Variants in PCF11 observed in about 807,000 individuals in gnomAD.
PCF11 encodes PCF11 cleavage and polyadenylation factor subunit, also known as pre-mRNA cleavage complex 2 protein Pcf11.
Under a neutral mutation model 166.1 loss-of-function variants are expected in PCF11, and 19 were observed. The observed-to-expected ratio is 0.11, with a 90% CI of 0.08 to 0.17. PCF11 has a LOEUF of 0.17. Among genes scored for constraint, PCF11 ranks in the 10% least tolerant of loss-of-function variants. The pLI is 1.00. For missense variants in PCF11, 1,565 were observed against 1,855.5 expected, an observed-to-expected ratio of 0.84 and a Z score of 2.88; for synonymous variants, 663 against 644.1, an observed-to-expected ratio of 1.03 and a Z score of -0.44.
chr11:83,182,606 TAAAA>T (rs1052030376), intron 14 of PCF11, 115 bp downstream of exon 14: 5 of 626,674 alleles, frequency 8.0e-6, no homozygotes, highest in South Asian at 6.1e-5. Flanking sequence ...TTGGTCTTAA[TAAAA>T]AGGGTATTGG....
chr11:83,182,264 G>C (rs1181564895), intron 13 of PCF11, 135 bp from the exon 14 acceptor site: 4 of 619,164 alleles, frequency 6.5e-6, no homozygotes, highest in African/African-American at 1.9e-5. Context: ...GAATCATACT[G>C]TATATTGGAC....
At chr11:83,172,419 T>TTTTA (rs565457933) in intron 9 of PCF11, among the ~76,000 whole-genome samples, 261 of 152,150 alleles carry the variant, frequency 1.7e-3, no homozygotes, top group Admixed American at 4.2e-3. Flanking sequence ...TGGATTTTAG[T>TTTTA]TTTATTTATT....
intron 8 of PCF11, among the ~76,000 whole-genome samples, chr11:83,170,337 C>A (rs995085289): frequency 6.6e-6 from 1 of 152,038 alleles, no homozygotes; most frequent in Non-Finnish European, 1.5e-5. Flanking sequence ...ACTGTTGAGC[C>A]CTGACGTGCT....
intron 2 of PCF11, among the ~76,000 whole-genome samples, chr11:83,162,257 A>G (rs560173663): frequency 6.6e-6 from 1 of 152,350 alleles, no homozygotes; most frequent in South Asian, 2.1e-4. Flanking sequence ...ATTTGGTGGT[A>G]GTTATTATAT....
chr11:83,169,578 G>A lies in PCF11; in HGVS notation c.3243G>A (p.Gln1081=), dbSNP rs759388971. The A allele has an allele frequency of 5.6e-6, 9 of 1,613,934 alleles. No individual in the cohort carries two copies. In the South Asian group the frequency reaches 8.8e-5, roughly 16 times the overall value. ...AGAGGTTTGATGGACCACCTGGACAGCAGGTTCAACCCAGATTTGACGGTG... is the reference window on the plus strand; with the variant it reads ...AGAGGTTTGATGGACCACCTGGACAACAGGTTCAACCCAGATTTGACGGTG... Residue 1081 remains glutamine, a synonymous_variant, in exon 8 of 16, where the codon CAG becomes CAA. Coordinates refer to ENST00000298281, the Ensembl canonical transcript of PCF11.
chr11:83,170,127 T>C, intron 8 of PCF11, 132 bp downstream of exon 8: 3 of 710,650 alleles, frequency 4.2e-6, no homozygotes, highest in Non-Finnish European at 6.4e-6. Flanking sequence ...TAAAGCCACA[T>C]GCTAAGGAAG....
chr11:83,181,201 C>T lies in PCF11; in HGVS notation c.4167+10C>T. ...GTACTACAGTTTAACAGTAAGTAAC[C>T]CATGTGCCTCCATAGTATCTTTTAG... On this transcript the variant is annotated intron_variant, in intron 12 of 15. Coordinates refer to ENST00000298281, the Ensembl canonical transcript of PCF11. The T allele has an allele frequency of 6.8e-7, 1 of 1,478,948 alleles. No individual in the cohort carries two copies. Among genetic ancestry groups the T allele is most frequent in the Non-Finnish European group, 9.3e-7 (1 of 1,073,352 alleles). 91.6% of individuals were successfully genotyped at this position (1,478,948 alleles called of 1,614,324 possible).
chr11:83,169,211 C>T (rs777008064), exon 8 of PCF11: 5 of 1,613,338 alleles, frequency 3.1e-6, no homozygotes, highest in Non-Finnish European at 4.2e-6. Flanking sequence ...TTTGAGGGCC[C>T]CCATGGTCAG....
chr11:83,177,038 AT>A, intron 9 of PCF11, 46 bp from the exon 10 acceptor site: 1 of 1,363,070 alleles, frequency 7.3e-7, no homozygotes, highest in Non-Finnish European at 9.6e-7. Context: ...TAAGTTCTAC[AT>A]TCACTTCAAA....
exon 3 of PCF11, chr11:83,163,828 G>A (rs1207581060): frequency 1.0e-5 from 16 of 1,557,286 alleles, no homozygotes; most frequent in Middle Eastern, 1.7e-4. Flanking sequence ...ATGTGAATAC[G>A]TCTAGCATCC....
At chr11:83,172,339 C>A (rs1305625630) in intron 9 of PCF11, among the ~76,000 whole-genome samples, 1 of 152,118 alleles carries the variant, frequency 6.6e-6, no homozygotes. Flanking sequence ...GCTTTCCTAG[C>A]CAGGTTCACT....
chr11:83,181,872 G>C (rs1861098377), exon 13 of PCF11: 35 of 1,609,540 alleles, frequency 2.2e-5, no homozygotes, highest in Non-Finnish European at 3.0e-5. Flanking sequence ...AGAATTTGAG[G>C]AGATAGCTGA....
At chr11:83,164,695 C>A (rs1386550026) in intron 4 of PCF11, among the ~76,000 whole-genome samples, 3 of 149,946 alleles carry the variant, frequency 2.0e-5, no homozygotes, top group African/African-American at 7.4e-5. Flanking sequence ...CCAGCCTGGG[C>A]AACATAGTGA....
chr11:83,184,959 AT>A, exon 16 of PCF11: 7 of 1,106,158 alleles, frequency 6.3e-6, no homozygotes, highest in South Asian at 1.5e-5. Flanking sequence ...AAGGTGAAGA[AT>A]TTTTTTATGT....
chr11:83,169,262 TTGG>T, exon 8 of PCF11: 2 of 1,612,052 alleles, frequency 1.2e-6, no homozygotes, highest in Non-Finnish European at 1.7e-6. Context: ...CATAATCAAC[TTGG>T]TGGGAACCTT....
At position 83,160,180 on chromosome 11, in the gene PCF11, T is replaced by G. The variant is rs2135414225; in HGVS notation, c.193-1147T>G. 1.3e-5 allele frequency among the ~76,000 whole-genome samples: 2 copies of G among 152,264 alleles called. 1 individual carries two copies. Among genetic ancestry groups the G allele is most frequent in the South Asian group, 4.1e-4 (2 of 4,828 alleles). ...GCAAGAGCATTTCCACACACTTGTA[T>G]GGGCAATTGGTTTTATTATATATGA... On this transcript the variant is annotated intron_variant, in intron 1 of 15. Coordinates refer to ENST00000298281, the Ensembl canonical transcript of PCF11.
chr11:83,167,020 C>T lies in PCF11; in HGVS notation c.1818-105C>T, dbSNP rs1324365960. The T allele has an allele frequency of 3.4e-6, 3 of 882,974 alleles. No homozygotes were observed. The highest frequency in any genetic ancestry group is 3.3e-5 in the African/African-American group (2 of 59,714). 54.7% of individuals were successfully genotyped at this position (882,974 alleles called of 1,614,324 possible). On this transcript the variant is annotated intron_variant, in intron 5 of 15. Coordinates refer to ENST00000298281, the Ensembl canonical transcript of PCF11. The surrounding 1 kb of genome is among the most constrained non-coding windows in gnomAD (Gnocchi z 4.2). ...TTTATTTAATTACTTTTTGTGGTTACATATGCCCATTTTAACCATATCCTT... is the reference window on the plus strand; with the variant it reads ...TTTATTTAATTACTTTTTGTGGTTATATATGCCCATTTTAACCATATCCTT...
intron 2 of PCF11, among the ~76,000 whole-genome samples, chr11:83,163,200 T>G (rs1261879120): frequency 6.6e-6 from 1 of 152,258 alleles, no homozygotes; most frequent in Non-Finnish European, 1.5e-5. Flanking sequence ...CCACAATATC[T>G]TGTTCCTATG....
intron 8 of PCF11, among the ~76,000 whole-genome samples, chr11:83,170,238 C>T (rs928851220): frequency 2.0e-5 from 3 of 152,150 alleles, no homozygotes; most frequent in African/African-American, 7.2e-5. Flanking sequence ...ACCCCCACCT[C>T]CAGCTCTGTT....
Sources: allele counts gnomAD v4.1 joint callset (sites outside exome capture counted in the v4.1 genomes callset), GRCh38; gene constraint gnomAD v4.1.1; non-coding constraint Gnocchi (gnomAD v3.1); transcripts MANE v1.5; gene names NCBI Gene and HGNC (gene_info 2026-07-23, HGNC 2026-07-21).